The following ANKRD44 variants were observed in gnomAD, a reference collection of about 807,000 sequenced individuals.
ANKRD44 encodes the protein ankyrin repeat domain 44.
A neutral mutation model predicts 116.0 loss-of-function variants in ANKRD44; 35 were observed. The ratio of observed to expected loss-of-function variants is 0.30; its 90% CI spans 0.23 to 0.40. The LOEUF is 0.40. Among genes scored for constraint, ANKRD44 ranks in the 10% least tolerant of loss-of-function variants. The probability of loss-of-function intolerance (pLI) is 1.00; values close to 1 mark genes in which losing one functional copy is unlikely to be tolerated. For synonymous variants in ANKRD44, 435 were observed against 461.8 expected, an observed-to-expected ratio of 0.94 and a Z score of 0.74; for missense variants, 1,014 against 1,242.6, an observed-to-expected ratio of 0.82 and a Z score of 2.77.
At chr2:197,078,923 T>G in intron 15 of ANKRD44, 109 bp from the exon 16 acceptor site, 1 of 1,203,482 alleles carries the variant, frequency 8.3e-7, no homozygotes, top group Admixed American at 2.6e-5. Flanking sequence ...TTTATGAGTT[T>G]GTTTCTTTAA....
At chr2:196,995,803 T>G (rs2076001841) in intron 25 of ANKRD44, among the ~76,000 whole-genome samples, 1 of 152,210 alleles carries the variant, frequency 6.6e-6, no homozygotes, top group African/African-American at 2.4e-5. Context: ...ACTGTCTGAA[T>G]CCTATAACAT....
intron 27 of ANKRD44, chr2:196,990,469 TA>T: frequency 2.5e-6 from 3 of 1,211,700 alleles, no homozygotes; most frequent in Non-Finnish European, 3.1e-6. Context: ...ATCTTAGATT[TA>T]AAGAAAATGT....
At chr2:197,157,675 CAAA>C (rs35588359) in intron 2 of ANKRD44, among the ~76,000 whole-genome samples, 1 of 83,088 alleles carries the variant, frequency 1.2e-5, no homozygotes, top group Non-Finnish European at 2.1e-5. Context: ...GAGACTCTGT[CAAA>C]AAAAAAAAAA....
At chr2:197,111,991 CA>C (rs2078579326) in intron 8 of ANKRD44, among the ~76,000 whole-genome samples, 2 of 152,064 alleles carry the variant, frequency 1.3e-5, no homozygotes, top group Non-Finnish European at 2.9e-5. Flanking sequence ...AGCCAAAACA[CA>C]GAAAATGTAC....
At position 197,129,237 on chromosome 2, in the gene ANKRD44, G is replaced by C. The variant is rs56987269; in HGVS notation, c.262-3200C>G. Reference sequence around the variant, plus strand: ...CTGCAACCTGTGCCTCAGTTCAAGCGATTCTCCTGCCTCAGCCTCCTGAGT... The same window carrying C: ...CTGCAACCTGTGCCTCAGTTCAAGCCATTCTCCTGCCTCAGCCTCCTGAGT... On this transcript the variant is annotated intron_variant, in intron 4 of 27. Coordinates refer to ENST00000282272, the MANE Select transcript of ANKRD44 (RefSeq NM_001195144.2). 5.8e-3 allele frequency among the ~76,000 whole-genome samples: 879 copies of C among 151,794 alleles called. 9 individuals carry two copies. The highest frequency in any genetic ancestry group is 0.02 in the African/African-American group (838 of 41,390).
At chr2:197,140,995 A>T (rs1291758512) in intron 3 of ANKRD44, among the ~76,000 whole-genome samples, 1 of 152,098 alleles carries the variant, frequency 6.6e-6, no homozygotes, top group Non-Finnish European at 1.5e-5. Context: ...GGTGGGCAGA[A>T]CACCTGAGGT....
chr2:197,308,836 C>T (rs60069287), intron 1 of ANKRD44, among the ~76,000 whole-genome samples: 5,834 of 152,242 alleles, frequency 0.038, 360 homozygotes, highest in African/African-American at 0.13. Context: ...CCTTACAACA[C>T]ATCCAATGAG....
intron 1 of ANKRD44, among the ~76,000 whole-genome samples, chr2:197,276,342 A>G (rs999625694): frequency 6.6e-6 from 1 of 151,724 alleles, no homozygotes; most frequent in African/African-American, 2.4e-5. Flanking sequence ...CACCATCTCT[A>G]AAAATGATGA....
chr2:197,036,305 C>T (rs975613300), intron 16 of ANKRD44, among the ~76,000 whole-genome samples: 3 of 152,148 alleles, frequency 2.0e-5, no homozygotes, highest in Non-Finnish European at 1.5e-5. Flanking sequence ...GTCACCCAGA[C>T]TGGAGTGCAG....
intron 25 of ANKRD44, 74 bp from the exon 26 acceptor site, chr2:196,995,535 G>T: frequency 9.0e-7 from 1 of 1,108,484 alleles, no homozygotes; most frequent in Admixed American, 2.1e-5. Flanking sequence ...TCTTCATTAT[G>T]ATTTAAATTG....
intron 21 of ANKRD44, among the ~76,000 whole-genome samples, chr2:196,972,354 C>T (rs936737864): frequency 6.6e-6 from 1 of 152,146 alleles, no homozygotes; most frequent in Non-Finnish European, 1.5e-5. Context: ...CAAGCGTGTG[C>T]CACCACGCCC....
intron 4 of ANKRD44, chr2:197,136,358 T>A (rs1044728608): frequency 5.5e-6 from 3 of 548,322 alleles, no homozygotes; most frequent in African/African-American, 3.9e-5. Context: ...TGAGAACTCA[T>A]TGAAATTCAG....
In ANKRD44 at chr2:197,186,308, A is replaced by G. The variant is rs112741540; in HGVS notation, c.111+715T>C. Among the ~76,000 whole-genome samples, 10 of 152,298 alleles carry G rather than the reference A, an allele frequency of 6.6e-5. 1 individual carries two copies. Among genetic ancestry groups the G allele is most frequent in the African/African-American group, 2.2e-4 (9 of 41,566 alleles). On this transcript the variant is annotated intron_variant, in intron 2 of 27. Coordinates refer to ENST00000282272, the MANE Select transcript of ANKRD44 (RefSeq NM_001195144.2). ...ACTATGAATGTAGGCCATAAACCACAGTAGCAACATCAGTAACTGTAATGC... is the reference window on the plus strand; with the variant it reads ...ACTATGAATGTAGGCCATAAACCACGGTAGCAACATCAGTAACTGTAATGC...
intron 1 of ANKRD44, among the ~76,000 whole-genome samples, chr2:197,192,441 A>G (rs1329423206): frequency 6.6e-6 from 1 of 152,230 alleles, no homozygotes; most frequent in East Asian, 1.9e-4. Context: ...CAAGAAGGAA[A>G]ATTTGATATT....
In ANKRD44 at chr2:197,007,883, C is replaced by A. The variant is rs769745487; in HGVS notation, c.2053G>T (p.Ala685Ser). The change falls in exon 20 of 28, where the codon GCT (alanine) becomes TCT (serine). Residue 685 changes from alanine to serine, a missense_variant. Coordinates refer to ENST00000282272, the MANE Select transcript of ANKRD44 (RefSeq NM_001195144.2). ...MLAVAYGHID[A>S]VSLLLEKEAN... ...TCCTTTTCAAGTAACAATGAAACAG[C>A]GTCAATATGTCCATATGCTACTGCA... The A allele has an allele frequency of 6.2e-7, 1 of 1,613,942 alleles. No homozygotes were observed. The highest frequency in any genetic ancestry group is 1.7e-5 in the Admixed American group (1 of 60,014).
chr2:197,258,310 G>A (rs1319205730), intron 1 of ANKRD44, among the ~76,000 whole-genome samples: 3 of 120,960 alleles, frequency 2.5e-5, no homozygotes, highest in South Asian at 2.7e-4. Flanking sequence ...TTTTAGTAGA[G>A]ACAGGTTTCA....
At chr2:197,024,349 G>A (rs181626441) in intron 17 of ANKRD44, among the ~76,000 whole-genome samples, 15 of 152,324 alleles carry the variant, frequency 9.8e-5, no homozygotes, top group African/African-American at 3.6e-4. Context: ...CACCATCTTT[G>A]TGGCCTTGAA....
At position 197,109,252 on chromosome 2, in the gene ANKRD44, G is replaced by C. The variant is rs543426634; in HGVS notation, c.985+1514C>G. ...TGAGAAATACAGTGGCATAAGAGAC[G>C]TGCTCGAAAGAGACTAGGGTCACTC... is the stretch of plus-strand genomic sequence containing the variant. On this transcript the variant is annotated intron_variant, in intron 9 of 27. Transcript: ENST00000282272. 6.4e-4 allele frequency among the ~76,000 whole-genome samples: 97 copies of C among 152,324 alleles called. 1 individual carries two copies. The highest frequency in any genetic ancestry group is 2.3e-3 in the African/African-American group (97 of 41,576).
At chr2:197,308,152 GACACACAC>G (rs368196906) in intron 1 of ANKRD44, among the ~76,000 whole-genome samples, 1 of 143,918 alleles carries the variant, frequency 6.9e-6, no homozygotes, top group African/African-American at 2.7e-5. Flanking sequence ...GTGAGACCCT[GACACACAC>G]ACACACACAC....
Sources: allele counts gnomAD v4.1 joint callset (sites outside exome capture counted in the v4.1 genomes callset), GRCh38; gene constraint gnomAD v4.1.1; transcripts MANE v1.5; gene names NCBI Gene and HGNC (gene_info 2026-07-23, HGNC 2026-07-21).